BICDL1: variants seen among roughly 807,000 people sequenced by gnomAD.
BICDL1 encodes the protein BICD family-like cargo adapter 1.
In BICDL1, 20 loss-of-function variants were observed where a neutral mutation model predicts 76.8. That is an observed-to-expected ratio of 0.26 (90% confidence interval 0.18 to 0.38). The LOEUF (loss-of-function observed/expected upper bound fraction) is 0.38, where lower values mean the gene tolerates loss of function less well. Among genes scored for constraint, BICDL1 ranks in the 10% least tolerant of loss-of-function variants. BICDL1 has a pLI of 1.00. For synonymous variants in BICDL1, 383 were observed against 337.1 expected, an observed-to-expected ratio of 1.14 and a Z score of -1.49; for missense variants, 700 against 798.6, an observed-to-expected ratio of 0.88 and a Z score of 1.49.
intron 8 of BICDL1, among the ~76,000 whole-genome samples, chr12:120,087,861 C>G: frequency 6.6e-6 from 1 of 152,188 alleles, no homozygotes; most frequent in Non-Finnish European, 1.5e-5. Flanking sequence ...GGAGGAGTTA[C>G]CCATCAGTAA....
chr12:120,045,919 T>C (rs1256640212), intron 2 of BICDL1, among the ~76,000 whole-genome samples: 1 of 126,850 alleles, frequency 7.9e-6, no homozygotes, highest in Non-Finnish European at 1.7e-5. Context: ...TAAAGTATTA[T>C]AATAATAATA....
At chr12:120,060,289 A>G (rs140609367) in intron 2 of BICDL1, among the ~76,000 whole-genome samples, 111 of 152,364 alleles carry the variant, frequency 7.3e-4, no homozygotes, top group African/African-American at 2.6e-3. Flanking sequence ...AGGAGAAATA[A>G]TATAGGGAAA....
At position 120,093,174 on chromosome 12, in the gene BICDL1, C is replaced by A; in HGVS notation, c.*13C>A. 1.3e-6 allele frequency: 2 copies of A among 1,573,434 alleles called. No individual in the cohort carries two copies. The highest frequency in any genetic ancestry group is 1.1e-5 in the South Asian group (1 of 87,120). ...CAGGAAAATTTAAGTTGGGAGGAGT[C>A]AGGCCACCAAAGATGGGTGGACTGG... On this transcript the variant is annotated 3_prime_UTR_variant, in exon 10 of 10. Coordinates refer to ENST00000548673, the MANE Select transcript of BICDL1 (RefSeq NM_001367886.1).
At chr12:120,032,435 G>C (rs904676787) in intron 2 of BICDL1, among the ~76,000 whole-genome samples, 5 of 152,224 alleles carry the variant, frequency 3.3e-5, no homozygotes, top group African/African-American at 1.2e-4. Context: ...GTTTCTGCCT[G>C]TCCCATTTTC....
chr12:119,999,037 G>A (rs1951707894), intron 2 of BICDL1, among the ~76,000 whole-genome samples: 1 of 139,278 alleles, frequency 7.2e-6, no homozygotes, highest in African/African-American at 2.8e-5. Context: ...CTCCAGCCCG[G>A]GCAACAGAGT....
chr12:120,024,061 C>G (rs1952239093), intron 2 of BICDL1, among the ~76,000 whole-genome samples: 1 of 152,144 alleles, frequency 6.6e-6, no homozygotes, highest in East Asian at 1.9e-4. Flanking sequence ...AGGCATATCA[C>G]CTGAGGTCAG....
chr12:120,081,748 A>C (rs2138988756), intron 8 of BICDL1, among the ~76,000 whole-genome samples: 1 of 151,800 alleles, frequency 6.6e-6, no homozygotes, highest in East Asian at 1.9e-4. Flanking sequence ...AAGCAAACAC[A>C]AAAATAGAAG....
intron 1 of BICDL1, among the ~76,000 whole-genome samples, chr12:119,991,931 A>G (rs575849617): frequency 4.2e-4 from 64 of 152,364 alleles, no homozygotes; most frequent in South Asian, 1.9e-3. Flanking sequence ...TACTTAATGG[A>G]CAACAATAGT....
Position 120,093,407 on chromosome 12 carries a change from C to T in BICDL1, c.*246C>T. 3.8e-6 allele frequency: 2 copies of T among 526,584 alleles called. No homozygotes were observed. The highest frequency in any genetic ancestry group is 6.8e-6 in the Non-Finnish European group (2 of 293,724). The allele number at this position is 526,584 out of a possible 1,614,324, so 32.6% of individuals were successfully genotyped here. ...GGCCAAGCCCACGCCTGGGCTTCTC[C>T]AGGACCACGTGCTTGAGCAGGGTTA... is the stretch of plus-strand genomic sequence containing the variant. On this transcript the variant is annotated 3_prime_UTR_variant, in exon 10 of 10. Coordinates refer to ENST00000548673, the MANE Select transcript of BICDL1 (RefSeq NM_001367886.1).
In BICDL1 at chr12:120,061,834, T is replaced by C. The variant is rs750250216; in HGVS notation, c.762+8T>C. On this transcript the variant is annotated splice_region_variant and intron_variant, in intron 3 of 9. Transcript: ENST00000548673. ...GAGAGCCTTCAGGCCGAGGTGAGCC[T>C]CCCGACACAGCAGTGCTGGAAGGTG... The C allele has an allele frequency of 6.2e-7, 1 of 1,600,640 alleles. No homozygotes were observed. The highest frequency in any genetic ancestry group is 1.7e-5 in the Admixed American group (1 of 59,968).
At chr12:120,017,089 G>T (rs527500978) in intron 2 of BICDL1, among the ~76,000 whole-genome samples, 1 of 152,040 alleles carries the variant, frequency 6.6e-6, no homozygotes, top group Non-Finnish European at 1.5e-5. Flanking sequence ...GTAGAGACAG[G>T]GTTTCACTGT....
At chr12:119,991,669 C>T (rs538729219) in intron 1 of BICDL1, among the ~76,000 whole-genome samples, 1 of 151,956 alleles carries the variant, frequency 6.6e-6, no homozygotes, top group Admixed American at 6.6e-5. Context: ...AGTACAACTA[C>T]AGAGATTTAT....
At chr12:120,084,920 T>C (rs1459651577) in intron 8 of BICDL1, among the ~76,000 whole-genome samples, 1 of 151,350 alleles carries the variant, frequency 6.6e-6, no homozygotes, top group East Asian at 1.9e-4. Flanking sequence ...ACTCATACTC[T>C]AACCTCACTT....
At chr12:120,090,247 T>C (rs1301256317) in intron 9 of BICDL1, 176 bp downstream of exon 9, 2 of 677,068 alleles carry the variant, frequency 3.0e-6, no homozygotes, top group Non-Finnish European at 4.7e-6. Context: ...TGGGGAAGAA[T>C]GCTTAAGGAT....
In BICDL1 at chr12:120,073,516, A is replaced by G. The variant is rs150306348; in HGVS notation, c.1308+787A>G. Among the ~76,000 whole-genome samples the G allele has an allele frequency of 1.3e-4, 20 of 152,352 alleles. No homozygotes were observed. In the East Asian group the frequency reaches 3.3e-3, roughly 25 times the overall value. On this transcript the variant is annotated intron_variant, in intron 6 of 9. Coordinates refer to ENST00000548673, the MANE Select transcript of BICDL1 (RefSeq NM_001367886.1). ...GGAAGATCAGCTCTAAGGGCCTTTT[A>G]GAATCCTAGATGTGGCCACCTGTGG...
intron 2 of BICDL1, chr12:120,019,044 CAAAAAAAAAA>C (rs60381935): frequency 2.0e-5 from 1 of 49,316 alleles, no homozygotes; most frequent in Non-Finnish European, 4.6e-5. Flanking sequence ...GACTCCGTCT[CAAAAAAAAAA>C]AAAAAAAAAA....
intron 7 of BICDL1, among the ~76,000 whole-genome samples, chr12:120,075,059 C>T (rs777774296): frequency 2.0e-5 from 3 of 152,210 alleles, no homozygotes; most frequent in East Asian, 1.9e-4. Context: ...CATTTGATCA[C>T]GATTTCATCT....
At chr12:120,008,689 G>A (rs1022300727) in intron 2 of BICDL1, among the ~76,000 whole-genome samples, 2 of 152,116 alleles carry the variant, frequency 1.3e-5, no homozygotes, top group African/African-American at 4.8e-5. Flanking sequence ...TGTTTTGGAT[G>A]CCTTTTACAT....
chr12:120,027,024 T>C (rs1230289605), intron 2 of BICDL1, among the ~76,000 whole-genome samples: 1 of 133,154 alleles, frequency 7.5e-6, no homozygotes, highest in Non-Finnish European at 1.5e-5. Context: ...AATGATGTAA[T>C]TTCTTTTTTT....
Sources: gnomAD v4.1 joint callset for allele counts (sites outside exome capture counted in the v4.1 genomes callset) on GRCh38, gnomAD v4.1.1 for gene constraint, MANE v1.5 for transcripts, NCBI Gene and HGNC (gene_info 2026-07-23, HGNC 2026-07-21) for gene names.